Variants in WIPF1 observed in about 807,000 individuals in gnomAD.
WIPF1 encodes WAS/WASL interacting protein family member 1.
WIPF1 carries 13 observed loss-of-function variants against 35.4 expected under a neutral mutation model. The observed-to-expected ratio is 0.37, with a 90% CI of 0.24 to 0.58. WIPF1 has a LOEUF of 0.58. WIPF1 is among the 20% of genes least tolerant of loss of function. The pLI, the probability that WIPF1 is intolerant of heterozygous loss-of-function variation, is 0.74. For missense variants in WIPF1, 591 were observed against 667.0 expected (o/e 0.89, Z 1.25); for synonymous variants, 267 against 266.3 (o/e 1.00, Z -0.02).
chr2:174,564,479 C>T (rs1358211452), intron 7 of WIPF1, among the ~76,000 whole-genome samples: 1 of 152,034 alleles, frequency 6.6e-6, no homozygotes, highest in Non-Finnish European at 1.5e-5. Flanking sequence ...AAAAGAAATA[C>T]TTGAAAATGC....
intron 3 of WIPF1, among the ~76,000 whole-genome samples, chr2:174,576,488 G>A (rs1685068547): frequency 6.6e-6 from 1 of 152,082 alleles, no homozygotes; most frequent in Non-Finnish European, 1.5e-5. Context: ...TCATTTGATG[G>A]CCCTTTAGAT....
chr2:174,628,156 A>T (rs1010947704), intron 1 of WIPF1, among the ~76,000 whole-genome samples: 1 of 152,192 alleles, frequency 6.6e-6, no homozygotes, highest in African/African-American at 2.4e-5. Context: ...TCTACAAAAA[A>T]ATGCCATTTC....
upstream of WIPF1, among the ~76,000 whole-genome samples, chr2:174,600,978 G>A (rs1574826034): frequency 1.5e-5 from 2 of 129,148 alleles, no homozygotes; most frequent in African/African-American, 5.8e-5. Flanking sequence ...AGGCTGGAGT[G>A]CAGTGGCATG....
rs1204959790 is a variant in WIPF1 at position 174,572,269 on chromosome 2, T to G, written c.536A>C (p.Lys179Thr). The G allele has an allele frequency of 3.4e-5, 55 of 1,614,134 alleles. No individual in the cohort carries two copies. The highest frequency in any genetic ancestry group is 4.6e-5 in the Non-Finnish European group (54 of 1,180,012). ...TACTGGAGGAGGAATGCTATCAGGC[T>G]TTGAGCCCACGTCGGGCCTTGGGGG... ...MPPPRPDVGSKPDSIPPPVPS... is the reference protein window; with the variant it reads ...MPPPRPDVGSTPDSIPPPVPS... The change falls in exon 5 of 8, where the codon AAG (lysine) becomes ACG (threonine). Residue 179 changes from lysine (K) to threonine (T), a missense_variant. Around this residue, in one of 3 missense-constraint regions of WIPF1, gnomAD observed 471 missense variants for 501.1 expected, o/e 0.94. Coordinates refer to ENST00000679041, the MANE Select transcript of WIPF1 (RefSeq NM_001375834.1).
chr2:174,595,107 AAAATATATATATAT>A (rs1321385117), intron 1 of WIPF1, among the ~76,000 whole-genome samples: 17 of 37,900 alleles, frequency 4.5e-4, no homozygotes, highest in African/African-American at 1.3e-3. Context: ...AAAAAAAAAA[AAAATATATATATAT>A]ATATATATAT....
In WIPF1 at chr2:174,575,291, T is replaced by G. The variant is rs149122849; in HGVS notation, c.271A>C (p.Ser91Arg). The G allele has an allele frequency of 7.4e-6, 12 of 1,613,616 alleles. No individual in the cohort carries two copies. The highest frequency in any genetic ancestry group is 1.7e-5 in the Admixed American group (1 of 59,966). ...GGGGGGGGGG[S>R]FGGGGPPGLG... ...CCTGGAGGTCCGCCCCCTCCAAAAC[T>G]TCCACCGCCTCCGCCACCACCTCCT... The change falls in exon 4 of 8, where the codon AGT becomes CGT. Residue 91 changes from serine to arginine, a missense_variant. Transcript: ENST00000679041.
rs961416887 is a variant in WIPF1, at chr2:174,619,027, C to A, written c.-38-33416G>T. 3.9e-5 allele frequency among the ~76,000 whole-genome samples: 6 copies of A among 152,220 alleles called. No individual in the cohort carries two copies. The East Asian group carries it at 1.2e-3, about 29-fold the overall frequency. On this transcript the variant is annotated intron_variant, in intron 1 of 8. Coordinates refer to the WIPF1 transcript ENST00000272746. ...ACAGGCTGGCAGACAGTGGTGGAAT[C>A]ACTGCAACCTCAACCTCCTGGACTC...
chr2:174,593,069 G>GA (rs569571636), intron 1 of WIPF1, among the ~76,000 whole-genome samples: 44 of 144,212 alleles, frequency 3.1e-4, no homozygotes, highest in South Asian at 8.7e-4. Context: ...ATACAAAGAT[G>GA]AAAAAAAAAA....
chr2:174,564,966 G>A (rs1488895758), intron 7 of WIPF1, among the ~76,000 whole-genome samples: 1 of 149,748 alleles, frequency 6.7e-6, no homozygotes, highest in East Asian at 2.0e-4. Flanking sequence ...GGCGACTTCT[G>A]CTCACCGCAA....
chr2:174,635,896 C>T (rs975780736), intron 1 of WIPF1, among the ~76,000 whole-genome samples: 1 of 152,118 alleles, frequency 6.6e-6, no homozygotes, highest in Non-Finnish European at 1.5e-5. Context: ...CTGTGGACAA[C>T]AGTAAAACCC....
chr2:174,628,417 C>T (rs1448674626), intron 1 of WIPF1, among the ~76,000 whole-genome samples: 1 of 152,158 alleles, frequency 6.6e-6, no homozygotes, highest in African/African-American at 2.4e-5. Context: ...ACCTATTTTC[C>T]AGGCCAATAC....
chr2:174,637,336 GTTTC>G (rs1372652619), intron 1 of WIPF1, among the ~76,000 whole-genome samples: 4 of 151,818 alleles, frequency 2.6e-5, no homozygotes, highest in African/African-American at 9.7e-5. Context: ...TATGATTTTG[GTTTC>G]TTTTTTTGTT....
chr2:174,584,497 G>C (rs1185179750), intron 2 of WIPF1, among the ~76,000 whole-genome samples: 1 of 152,152 alleles, frequency 6.6e-6, no homozygotes, highest in Non-Finnish European at 1.5e-5. Context: ...CTCAGTGAAG[G>C]CTTCACAAGC....
upstream of WIPF1, among the ~76,000 whole-genome samples, chr2:174,600,009 T>C (rs181058018): frequency 2.8e-3 from 427 of 152,316 alleles, 10 homozygotes; most frequent in East Asian, 6.2e-3. Flanking sequence ...AGGCATTAGA[T>C]TCTCATAAGG....
At chr2:174,596,777 A>G (rs1685835404) in intron 1 of WIPF1, among the ~76,000 whole-genome samples, 1 of 152,178 alleles carries the variant, frequency 6.6e-6, no homozygotes, top group African/African-American at 2.4e-5. Flanking sequence ...GACTAAAGTT[A>G]TATGTGCCTT....
chr2:174,631,576 T>C (rs893802100), intron 1 of WIPF1, among the ~76,000 whole-genome samples: 3 of 152,192 alleles, frequency 2.0e-5, no homozygotes, highest in Non-Finnish European at 4.4e-5. Flanking sequence ...AACTGTATCT[T>C]AATGGTTAAG....
rs982611176 is a variant in WIPF1, at chr2:174,560,103, A to G, written c.*2444T>C. The G allele has an allele frequency of 7.2e-5, 11 of 152,380 alleles. No individual in the cohort carries two copies. The highest frequency in any genetic ancestry group is 1.3e-4 in the Non-Finnish European group (9 of 68,026). 9.4% of individuals were successfully genotyped at this position (152,380 alleles called of 1,614,324 possible). ...ATTTATCTGAAAATGTTATAAAAAAACACACATGTAAGCTCTGATTTCAGG... is the reference window on the plus strand; with the variant it reads ...ATTTATCTGAAAATGTTATAAAAAAGCACACATGTAAGCTCTGATTTCAGG... On this transcript the variant is annotated 3_prime_UTR_variant, in exon 8 of 8. Coordinates refer to ENST00000679041, the MANE Select transcript of WIPF1 (RefSeq NM_001375834.1).
At chr2:174,620,286 C>A (rs1270591804) in intron 1 of WIPF1, among the ~76,000 whole-genome samples, 2 of 152,134 alleles carry the variant, frequency 1.3e-5, no homozygotes, top group African/African-American at 4.8e-5. Flanking sequence ...ACTTGACTTG[C>A]AACTAGAATC....
chr2:174,561,702 C>A lies in WIPF1; in HGVS notation c.*845G>T. On this transcript the variant is annotated 3_prime_UTR_variant, in exon 8 of 8. Coordinates refer to ENST00000679041, the MANE Select transcript of WIPF1 (RefSeq NM_001375834.1). Reference sequence around the variant, plus strand: ...TAGTTGCCTCTTGAATCGCTCAAGCCCATCTTGCCTTTTTTGTTTTTTAAA... The same window carrying A: ...TAGTTGCCTCTTGAATCGCTCAAGCACATCTTGCCTTTTTTGTTTTTTAAA... 5.7e-6 allele frequency: 1 copy of A among 174,430 alleles called. No homozygotes were observed. Among genetic ancestry groups the A allele is most frequent in the African/African-American group, 2.4e-5 (1 of 42,040 alleles). 10.8% of individuals were successfully genotyped at this position (174,430 alleles called of 1,614,324 possible).
Sources: allele counts gnomAD v4.1 joint callset (sites outside exome capture counted in the v4.1 genomes callset), GRCh38; gene constraint gnomAD v4.1.1; regional missense constraint gnomAD v4.1.1; transcripts MANE v1.5; gene names NCBI Gene and HGNC (gene_info 2026-07-23, HGNC 2026-07-21).